The following ST6GALNAC1 variants were observed in gnomAD, a reference collection of about 807,000 sequenced individuals.
The protein encoded by ST6GALNAC1 is alpha-N-acetylgalactosaminide alpha-2,6-sialyltransferase 1.
A neutral mutation model predicts 56.8 loss-of-function variants in ST6GALNAC1; 45 were observed. The observed-to-expected ratio is 0.79, with a 90% CI of 0.62 to 1.02. The LOEUF is 1.02. Ranked by LOEUF, ST6GALNAC1 falls within the 50% of genes least tolerant of loss-of-function variation. The pLI, the probability that ST6GALNAC1 is intolerant of heterozygous loss-of-function variation, is 0.00. For missense variants in ST6GALNAC1, 743 were observed against 754.8 expected (o/e 0.98, Z 0.18); for synonymous variants, 295 against 297.8 (o/e 0.99, Z 0.10).
chr17:76,642,230 A>ATCTATCTATCTATCTG (rs1246882695), intron 1 of ST6GALNAC1, among the ~76,000 whole-genome samples: 1 of 151,384 alleles, frequency 6.6e-6, no homozygotes, highest in African/African-American at 2.4e-5. Flanking sequence ...CTATCTATCT[A>ATCTATCTATCTATCTG]TCTATCTATC....
intron 1 of ST6GALNAC1, chr17:76,637,374 G>C (rs1040332044): frequency 1.6e-5 from 2 of 128,448 alleles, no homozygotes; most frequent in African/African-American, 3.4e-5. Flanking sequence ...AAAAGACATA[G>C]AACAGTCACC....
chr17:76,631,606 CTCTT>C (rs2075901700), intron 1 of ST6GALNAC1, among the ~76,000 whole-genome samples: 1 of 151,922 alleles, frequency 6.6e-6, no homozygotes, highest in Admixed American at 6.5e-5. Context: ...CTTTCTTCTA[CTCTT>C]TCTGTCTCTG....
At chr17:76,619,740 G>GTTT in the ST6GALNAC1 span, among the ~76,000 whole-genome samples, 5,340 of 101,376 alleles carry the variant, frequency 0.053, 330 homozygotes, top group East Asian at 0.16. Context: ...AATAATGTTA[G>GTTT]TTTTTTTTTT....
At chr17:76,635,955 A>T (rs1398663187) in intron 1 of ST6GALNAC1, among the ~76,000 whole-genome samples, 1 of 152,140 alleles carries the variant, frequency 6.6e-6, no homozygotes, top group South Asian at 2.1e-4. Flanking sequence ...TCGGGGGGAT[A>T]CTTTGGTATG....
At chr17:76,632,508 A>G (rs2075918057) in intron 1 of ST6GALNAC1, among the ~76,000 whole-genome samples, 2 of 152,120 alleles carry the variant, frequency 1.3e-5, no homozygotes. Context: ...GCAAATCTAC[A>G]ATTGATTGAT....
At chr17:76,641,614 G>A (rs2076049027) in intron 1 of ST6GALNAC1, among the ~76,000 whole-genome samples, 1 of 152,146 alleles carries the variant, frequency 6.6e-6, no homozygotes, top group African/African-American at 2.4e-5. Context: ...GTGGTCCTGG[G>A]AGGTAAAGTA....
chr17:76,632,169 C>A (rs567955698), intron 1 of ST6GALNAC1, among the ~76,000 whole-genome samples: 1 of 152,312 alleles, frequency 6.6e-6, no homozygotes, highest in South Asian at 2.1e-4. Flanking sequence ...CACTTCCCAA[C>A]CCCCAGCCTC....
At chr17:76,618,821 G>C in the ST6GALNAC1 span, among the ~76,000 whole-genome samples, 22 of 151,600 alleles carry the variant, frequency 1.5e-4, no homozygotes, top group African/African-American at 4.4e-4. Flanking sequence ...GTGTGCGCCT[G>C]TAGTCCCAGC....
chr17:76,630,681 G>A (rs187426452), intron 1 of ST6GALNAC1, among the ~76,000 whole-genome samples: 2 of 150,788 alleles, frequency 1.3e-5, no homozygotes, highest in East Asian at 1.9e-4. Flanking sequence ...CATCTCCCTG[G>A]TTCAAGCAAT....
chr17:76,642,561 A>G (rs970617108), intron 1 of ST6GALNAC1, among the ~76,000 whole-genome samples: 1 of 152,152 alleles, frequency 6.6e-6, no homozygotes, highest in Non-Finnish European at 1.5e-5. Context: ...GGAGACCCTC[A>G]CTTCCTGCTT....
At chr17:76,618,804 C>T in the ST6GALNAC1 span, among the ~76,000 whole-genome samples, 5 of 147,768 alleles carry the variant, frequency 3.4e-5, no homozygotes, top group South Asian at 6.4e-4. Context: ...ATTAGCTGGG[C>T]CTGGTGGTGT....
At chr17:76,619,320 GACTCTATTC>G in the ST6GALNAC1 span, among the ~76,000 whole-genome samples, 1 of 152,158 alleles carries the variant, frequency 6.6e-6, no homozygotes, top group African/African-American at 2.4e-5. Context: ...GTTGCTTCTA[GACTCTATTC>G]ACTGACGGAT....
Position 76,629,459 on chromosome 17 carries a change from T to G in ST6GALNAC1, c.384A>C (p.Glu128Asp). The change falls in exon 2 of 9, where the codon GAA (glutamate) becomes GAC (aspartate). Residue 128 changes from glutamate (E) to aspartate (D), a missense_variant. Glu to Asp is a conservative substitution (Grantham distance 45, BLOSUM62 2). Coordinates refer to ENST00000156626, the MANE Select transcript of ST6GALNAC1 (RefSeq NM_018414.5). The part of the protein sequence containing the change: ...TAQRAAWKSP[E>D]KEKTMVNTLS... ...GTGTGTTCACCATGGTTTTCTCTTT[T>G]TCTGGGCTCTTCCATGCTGCCCTCT... 1 of 1,614,136 alleles carries G rather than the reference T, an allele frequency of 6.2e-7. No homozygotes were observed. The highest frequency in any genetic ancestry group is 1.7e-5 in the Admixed American group (1 of 60,026).
chr17:76,628,535 G>A (rs927043950), intron 2 of ST6GALNAC1, among the ~76,000 whole-genome samples: 4 of 152,188 alleles, frequency 2.6e-5, no homozygotes, highest in African/African-American at 9.7e-5. Flanking sequence ...CCTTAGGGTT[G>A]GGAGAGAGCG....
intron 1 of ST6GALNAC1, among the ~76,000 whole-genome samples, chr17:76,636,097 A>G (rs1182433569): frequency 6.6e-6 from 1 of 152,214 alleles, no homozygotes; most frequent in Non-Finnish European, 1.5e-5. Context: ...ACATGAAAGG[A>G]TAGCAACCTC....
intron 1 of ST6GALNAC1, among the ~76,000 whole-genome samples, chr17:76,641,013 A>C (rs535212961): frequency 9.2e-5 from 14 of 152,306 alleles, no homozygotes; most frequent in African/African-American, 2.9e-4. Context: ...AGTGAGCCTT[A>C]TCTCTCCCTT....
chr17:76,632,291 C>T (rs2075914381), intron 1 of ST6GALNAC1, among the ~76,000 whole-genome samples: 1 of 152,116 alleles, frequency 6.6e-6, no homozygotes, highest in Non-Finnish European at 1.5e-5. Flanking sequence ...AGCTGCCTGG[C>T]TGGCAGGCAC....
downstream of ST6GALNAC1, among the ~76,000 whole-genome samples, chr17:76,621,182 C>CTTTTTTTTTTTT (rs367846650): frequency 2.8e-5 from 3 of 105,326 alleles, no homozygotes; most frequent in Non-Finnish European, 3.6e-5. Context: ...TTCTTTCTTT[C>CTTTTTTTTTTTT]TTTCTTTTTT....
chr17:76,622,368 T>C (rs1421179430), downstream of ST6GALNAC1, among the ~76,000 whole-genome samples: 1 of 151,950 alleles, frequency 6.6e-6, no homozygotes, highest in Non-Finnish European at 1.5e-5. Flanking sequence ...CATTTTATTA[T>C]TATTATTATT....
Sources: allele counts gnomAD v4.1 joint callset (sites outside exome capture counted in the v4.1 genomes callset), GRCh38; gene constraint gnomAD v4.1.1; transcripts MANE v1.5; gene names NCBI Gene and HGNC (gene_info 2026-07-23, HGNC 2026-07-21).